The following ADGRL2 variants were observed in gnomAD, a reference collection of about 807,000 sequenced individuals.
ADGRL2 encodes adhesion G protein-coupled receptor L2, also known as calcium-independent alpha-latrotoxin receptor 2.
In ADGRL2, 44 loss-of-function variants were observed where a neutral mutation model predicts 157.4. The ratio of observed to expected loss-of-function variants is 0.28; its 90% confidence interval spans 0.22 to 0.36. ADGRL2 has a LOEUF of 0.36. Ranked by LOEUF, ADGRL2 falls within the 10% of genes least tolerant of loss-of-function variation. The pLI is 1.00. For synonymous variants in ADGRL2, 585 were observed against 624.7 expected, an observed-to-expected ratio of 0.94 and a Z score of 0.95; for missense variants, 1,510 against 1,768.9, an observed-to-expected ratio of 0.85 and a Z score of 2.63.
intron 2 of ADGRL2, among the ~76,000 whole-genome samples, chr1:81,866,893 C>T (rs570872062): frequency 6.6e-6 from 1 of 152,242 alleles, no homozygotes; most frequent in Admixed American, 6.5e-5. Flanking sequence ...AAAATAGATA[C>T]TCTCTGGATC....
intron 3 of ADGRL2, among the ~76,000 whole-genome samples, chr1:81,599,995 G>A (rs941921142): frequency 6.6e-6 from 1 of 152,180 alleles, no homozygotes; most frequent in Non-Finnish European, 1.5e-5. Context: ...AGAAGTATGT[G>A]TATCAAATTG....
intron 1 of ADGRL2, among the ~76,000 whole-genome samples, chr1:81,373,133 G>A (rs1299771789): frequency 6.6e-6 from 1 of 152,100 alleles, no homozygotes; most frequent in Non-Finnish European, 1.5e-5. Flanking sequence ...TAAATATCTA[G>A]TTGGTGGCAA....
chr1:81,370,371 T>C (rs2076141095), intron 1 of ADGRL2, among the ~76,000 whole-genome samples: 1 of 152,168 alleles, frequency 6.6e-6, no homozygotes, highest in South Asian at 2.1e-4. Context: ...TTTCACAAAA[T>C]AGTACACTGT....
chr1:81,984,832 C>A, intron 20 of ADGRL2, 121 bp downstream of exon 20: 1 of 1,125,990 alleles, frequency 8.9e-7, no homozygotes, highest in Non-Finnish European at 1.2e-6. Context: ...CAAATACTTG[C>A]TTTTTTAGTA....
chr1:81,747,697 ATGTTTGTGTG>A (rs1318555833), intron 1 of ADGRL2, among the ~76,000 whole-genome samples: 43 of 100,030 alleles, frequency 4.3e-4, no homozygotes, highest in African/African-American at 1.7e-3. Flanking sequence ...TTTTCCTTTA[ATGTTTGTGTG>A]TGTGTGTGTG....
At chr1:81,613,466 A>G (rs1270060291) in intron 3 of ADGRL2, among the ~76,000 whole-genome samples, 2 of 152,184 alleles carry the variant, frequency 1.3e-5, no homozygotes, top group East Asian at 3.9e-4. Context: ...AGAGAGAAAG[A>G]AATGGTGCTC....
chr1:81,642,884 T>A (rs1367340313), intron 3 of ADGRL2, among the ~76,000 whole-genome samples: 1 of 152,148 alleles, frequency 6.6e-6, no homozygotes, highest in African/African-American at 2.4e-5. Context: ...CACCACCAAT[T>A]TGTTGTAAAA....
chr1:81,694,596 C>T (rs1202036408), intron 3 of ADGRL2, among the ~76,000 whole-genome samples: 5 of 152,050 alleles, frequency 3.3e-5, no homozygotes, highest in Non-Finnish European at 4.4e-5. Flanking sequence ...GAAGAAATCT[C>T]AAACCTAATA....
At chr1:81,953,899 A>T (rs1423932387) in intron 10 of ADGRL2, among the ~76,000 whole-genome samples, 1 of 152,272 alleles carries the variant, frequency 6.6e-6, no homozygotes, top group Non-Finnish European at 1.5e-5. Flanking sequence ...TAGACTAGAG[A>T]GTATTAAAAA....
intron 1 of ADGRL2, among the ~76,000 whole-genome samples, chr1:81,408,444 G>A (rs531904509): frequency 7.9e-5 from 12 of 152,146 alleles, no homozygotes; most frequent in African/African-American, 2.9e-4. Context: ...TTGTGTCTGA[G>A]GAAAATACTT....
rs538882864 is a variant in ADGRL2, at chr1:81,584,077, TAA to T, written c.-143+3098_-143+3099del. The stretch of plus-strand genomic sequence containing the variant: ...GCACACGCTTATGTATACTTTGACC[TAA>T]GAGTGCCTCCTTCAGAATTAATCTT... On this transcript the variant is annotated intron_variant, in intron 3 of 24. Transcript: ENST00000370721. 2.6e-3 allele frequency among the ~76,000 whole-genome samples: 402 copies of T among 152,296 alleles called. 3 individuals are homozygous for T. The highest frequency in any genetic ancestry group is 8.8e-3 in the African/African-American group (367 of 41,582).
intron 2 of ADGRL2, among the ~76,000 whole-genome samples, chr1:81,466,679 GCACA>G (rs5775620): frequency 6.6e-6 from 1 of 151,168 alleles, no homozygotes; most frequent in Non-Finnish European, 1.5e-5. Context: ...TCACGCGCGC[GCACA>G]CACACACACA....
At position 81,828,907 on chromosome 1, in the gene ADGRL2, AT is replaced by A. The variant is rs71592742; in HGVS notation, c.-100-7967del. Among the ~76,000 whole-genome samples, 517 of 144,790 alleles carry A rather than the reference AT, an allele frequency of 3.6e-3. 4 individuals carry two copies. Among genetic ancestry groups the A allele is most frequent in the East Asian group, 0.021 (103 of 4,946 alleles). The allele number at this position is 144,790 out of a possible 152,430, so 95.0% of individuals were successfully genotyped here. ...TACCGTCTCATCTAAATCTCCTCAT[AT>A]TTTTTTTTTTCATTTTTTTTGGGAC... On this transcript the variant is annotated intron_variant, in intron 1 of 23. Coordinates refer to ENST00000686636, the MANE Select transcript of ADGRL2 (RefSeq NM_001366006.2).
At chr1:81,807,790 T>G (rs1383878031) in intron 1 of ADGRL2, among the ~76,000 whole-genome samples, 3 of 151,578 alleles carry the variant, frequency 2.0e-5, no homozygotes, top group Admixed American at 1.3e-4. Flanking sequence ...GTAAGTATTT[T>G]TGTGTGTGTG....
At chr1:81,417,300 C>T (rs4636514) in intron 1 of ADGRL2, among the ~76,000 whole-genome samples, 71,485 of 151,430 alleles carry the variant, frequency 0.47, 17,363 homozygotes, top group Non-Finnish European at 0.53. Context: ...TATGTGACTC[C>T]TAATTGGTAA....
intron 3 of ADGRL2, among the ~76,000 whole-genome samples, chr1:81,612,527 G>A (rs184785387): frequency 6.6e-6 from 1 of 152,244 alleles, no homozygotes; most frequent in African/African-American, 2.4e-5. Flanking sequence ...GTCAAAGTGG[G>A]TCAACAGGAT....
At chr1:81,524,187 C>T (rs148874022) in intron 2 of ADGRL2, among the ~76,000 whole-genome samples, 26 of 147,956 alleles carry the variant, frequency 1.8e-4, no homozygotes, top group African/African-American at 5.7e-4. Context: ...AGTGAAACCC[C>T]ATCTCTACTA....
intron 2 of ADGRL2, among the ~76,000 whole-genome samples, chr1:81,881,509 A>C (rs2093987232): frequency 6.6e-6 from 1 of 152,162 alleles, no homozygotes; most frequent in Non-Finnish European, 1.5e-5. Context: ...TTCATGTTTG[A>C]AATTGTTTAA....
At chr1:81,631,229 T>TTTTG (rs2082005398) in intron 3 of ADGRL2, among the ~76,000 whole-genome samples, 1 of 152,132 alleles carries the variant, frequency 6.6e-6, no homozygotes. Context: ...TCTTTTGTTT[T>TTTTG]TTTTTGAGAC....
Sources: gnomAD v4.1 joint callset for allele counts (sites outside exome capture counted in the v4.1 genomes callset) on GRCh38, gnomAD v4.1.1 for gene constraint, MANE v1.5 for transcripts, NCBI Gene and HGNC (gene_info 2026-07-23, HGNC 2026-07-21) for gene names.